Variants in DLGAP2 observed in about 807,000 individuals in gnomAD.
DLGAP2 encodes the protein DLG associated protein 2, also known as disks large-associated protein 2.
A neutral mutation model predicts 100.3 loss-of-function variants in DLGAP2; 26 were observed. The observed-to-expected ratio is 0.26, with a 90% CI of 0.19 to 0.36. The LOEUF is 0.36. Among genes scored for constraint, DLGAP2 ranks in the 10% least tolerant of loss-of-function variants. The pLI is 1.00. For synonymous variants in DLGAP2, 886 were observed against 630.1 expected (o/e 1.41, Z -6.08); for missense variants, 1,858 against 1,453.2 (o/e 1.28, Z -4.53).
intron 2 of DLGAP2, among the ~76,000 whole-genome samples, chr8:970,117 C>T (rs945507551): frequency 1.3e-5 from 2 of 151,874 alleles, no homozygotes; most frequent in African/African-American, 4.8e-5. Flanking sequence ...GAAAAATGTC[C>T]ACCGGCATTC....
At chr8:852,396 G>A (rs1797198466) in intron 1 of DLGAP2, among the ~76,000 whole-genome samples, 1 of 152,132 alleles carries the variant, frequency 6.6e-6, no homozygotes, top group Middle Eastern at 3.2e-3. Flanking sequence ...TTTTCCAGAT[G>A]GAAGAAAGAA....
At chr8:759,655 G>A (rs936072586) in intron 1 of DLGAP2, among the ~76,000 whole-genome samples, 11 of 152,146 alleles carry the variant, frequency 7.2e-5, no homozygotes, top group African/African-American at 1.9e-4. Flanking sequence ...CCAGCACTCC[G>A]GTGTCCCCCA....
intron 5 of DLGAP2, among the ~76,000 whole-genome samples, chr8:1,556,511 G>C (rs759571300): frequency 6.6e-5 from 10 of 152,210 alleles, no homozygotes; most frequent in Non-Finnish European, 1.3e-4. Context: ...AGGCTTGTCT[G>C]TTCCCGCTGA....
intron 1 of DLGAP2, among the ~76,000 whole-genome samples, chr8:859,810 G>C (rs775226639): frequency 1.3e-5 from 2 of 152,184 alleles, no homozygotes; most frequent in African/African-American, 4.8e-5. Context: ...CCTAATTAGA[G>C]TGAGGTGCGG....
rs1439356722 is a variant in DLGAP2 at position 802,891 on chromosome 8, G to A, written c.18+65066G>A. 2.6e-5 allele frequency among the ~76,000 whole-genome samples: 4 copies of A among 152,346 alleles called. No homozygotes were observed. The East Asian group carries it at 7.7e-4, about 29-fold the overall frequency. On this transcript the variant is annotated intron_variant, in intron 1 of 14. Coordinates refer to ENST00000637795, the MANE Select transcript of DLGAP2 (RefSeq NM_001346810.2). ...GCAGACTCCGAGCAGAGTGGACAGT[G>A]CTGTGTCCAGGAGGGGGTGTGATTT... is the stretch of plus-strand genomic sequence containing the variant.
intron 2 of DLGAP2, among the ~76,000 whole-genome samples, chr8:1,207,762 A>G (rs1258826010): frequency 1.3e-5 from 2 of 152,184 alleles, no homozygotes; most frequent in East Asian, 1.9e-4. Context: ...TCATTGTTGC[A>G]GGAGTGAGGT....
In DLGAP2 at chr8:1,548,684, G is replaced by C; in HGVS notation, c.231G>C (p.Ala77=). 1.9e-6 allele frequency: 3 copies of C among 1,603,668 alleles called. No individual in the cohort carries two copies. Among genetic ancestry groups the C allele is most frequent in the Non-Finnish European group, 2.6e-6 (3 of 1,176,370 alleles). ...TCAATGAGGAGCGCTACTCGCCCGC[G>C]CCCAGGAGCATGAAGGGCCTTTCCG... The part of the protein sequence containing the change: ...QHFNEERYSP[A]PRSMKGLSGS... The change falls in exon 5 of 15, where the codon GCG becomes GCC. Residue 77 remains alanine, a synonymous_variant. Coordinates refer to ENST00000637795, the MANE Select transcript of DLGAP2 (RefSeq NM_001346810.2).
At chr8:1,373,285 G>A (rs1377900066) in intron 3 of DLGAP2, among the ~76,000 whole-genome samples, 1 of 151,908 alleles carries the variant, frequency 6.6e-6, no homozygotes, top group Non-Finnish European at 1.5e-5. Context: ...CGGCCCGGAG[G>A]GTGTCGGGAG....
chr8:1,324,787 G>C (rs1172830281), intron 3 of DLGAP2, among the ~76,000 whole-genome samples: 1 of 152,198 alleles, frequency 6.6e-6, no homozygotes, highest in Non-Finnish European at 1.5e-5. Context: ...TAAAATATCA[G>C]AGGAGCGGGA....
Position 1,089,176 on chromosome 8 carries a change from C to T in DLGAP2, c.74-169675C>T, listed in dbSNP as rs137983344. ...TCTCGCTCCCCGGCCTCACTCTCTC[C>T]ACCCCTCATCCAGCAGGCTATGCAA... On this transcript the variant is annotated intron_variant, in intron 2 of 14. Transcript: ENST00000637795. Among the ~76,000 whole-genome samples, 223 of 152,078 alleles carry T rather than the reference C, an allele frequency of 1.5e-3. 1 individual carries two copies. The highest frequency in any genetic ancestry group is 6.8e-3 in the Middle Eastern group (2 of 294).
At chr8:840,874 C>T (rs1042365200) in intron 1 of DLGAP2, among the ~76,000 whole-genome samples, 1 of 152,206 alleles carries the variant, frequency 6.6e-6, no homozygotes, top group Non-Finnish European at 1.5e-5. Context: ...TCAGCCTTGG[C>T]AGCTGGATCC....
intron 4 of DLGAP2, among the ~76,000 whole-genome samples, chr8:1,534,958 C>A (rs545947526): frequency 1.3e-5 from 2 of 152,384 alleles, no homozygotes; most frequent in South Asian, 4.1e-4. Context: ...TGGCCAGCTC[C>A]ATTTCCAAGG....
intron 2 of DLGAP2, among the ~76,000 whole-genome samples, chr8:1,079,431 A>G (rs965718992): frequency 4.6e-5 from 7 of 152,062 alleles, no homozygotes; most frequent in East Asian, 1.9e-4. Context: ...TGTTTAAACT[A>G]TTTTTCAAAA....
chr8:1,491,286 A>C (rs1427877185), intron 3 of DLGAP2, among the ~76,000 whole-genome samples: 3 of 148,736 alleles, frequency 2.0e-5, no homozygotes, highest in Non-Finnish European at 4.4e-5. Flanking sequence ...GGAACTGCCG[A>C]TGCTGTGAGC....
At chr8:897,159 G>C (rs1372209639) in intron 1 of DLGAP2, among the ~76,000 whole-genome samples, 1 of 152,106 alleles carries the variant, frequency 6.6e-6, no homozygotes, top group African/African-American at 2.4e-5. Context: ...ATGTTTCATG[G>C]AGATGCTGGA....
chr8:1,191,641 C>T (rs755069309), intron 2 of DLGAP2, among the ~76,000 whole-genome samples: 1 of 148,980 alleles, frequency 6.7e-6, no homozygotes, highest in Non-Finnish European at 1.5e-5. Flanking sequence ...TTCTCTGTTG[C>T]AATGAGCAGA....
chr8:969,210 G>C (rs143117673), intron 2 of DLGAP2, among the ~76,000 whole-genome samples: 1 of 152,316 alleles, frequency 6.6e-6, no homozygotes, highest in African/African-American at 2.4e-5. Context: ...AAGTCTGAGA[G>C]AATTCCTGCT....
At chr8:1,156,061 C>T (rs983129274) in intron 2 of DLGAP2, among the ~76,000 whole-genome samples, 3 of 152,146 alleles carry the variant, frequency 2.0e-5, no homozygotes, top group Non-Finnish European at 4.4e-5. Flanking sequence ...GCTGATGCCC[C>T]TCCCGCCATT....
chr8:1,442,348 C>G (rs1797858677), intron 3 of DLGAP2, among the ~76,000 whole-genome samples: 1 of 146,990 alleles, frequency 6.8e-6, no homozygotes, highest in South Asian at 2.2e-4. Context: ...TGGATCCAGG[C>G]ATAGACCCGC....
Sources: allele counts gnomAD v4.1 joint callset (sites outside exome capture counted in the v4.1 genomes callset), GRCh38; gene constraint gnomAD v4.1.1; transcripts MANE v1.5; gene names NCBI Gene and HGNC (gene_info 2026-07-23, HGNC 2026-07-21).